The following GALNT17 variants were observed in gnomAD, a reference collection of about 807,000 sequenced individuals.
GALNT17 encodes the protein UDP-GalNAc:polypeptide N-acetylgalactosaminyltransferase-like 3.
GALNT17 carries 29 observed loss-of-function variants against 63.7 expected under a neutral mutation model. That is an observed-to-expected ratio of 0.46 (90% CI 0.34 to 0.62). The LOEUF is 0.62. GALNT17 is among the 20% of genes least tolerant of loss of function. The probability of loss-of-function intolerance (pLI) is 0.01; values close to 1 mark genes in which losing one functional copy is unlikely to be tolerated. For synonymous variants in GALNT17, 305 were observed against 318.3 expected (o/e 0.96, Z 0.45); for missense variants, 603 against 799.6 (o/e 0.75, Z 2.97).
chr7:71,344,669 G>A (rs1792059658), intron 2 of GALNT17, among the ~76,000 whole-genome samples: 1 of 152,134 alleles, frequency 6.6e-6, no homozygotes, highest in South Asian at 2.1e-4. Flanking sequence ...CGTTTATTGA[G>A]TGCCAACTGT....
At chr7:71,668,320 C>T (rs1427398856) in intron 7 of GALNT17, among the ~76,000 whole-genome samples, 2 of 151,786 alleles carry the variant, frequency 1.3e-5, no homozygotes, top group Non-Finnish European at 2.9e-5. Flanking sequence ...AGTTCGAGAC[C>T]AGCCTGACCA....
chr7:71,679,160 A>C (rs747896496), intron 9 of GALNT17, among the ~76,000 whole-genome samples: 5 of 152,054 alleles, frequency 3.3e-5, no homozygotes, highest in Non-Finnish European at 7.4e-5. Flanking sequence ...AATCTAATGC[A>C]GGTGGCTGTG....
chr7:71,254,333 T>C (rs1790252993), intron 1 of GALNT17, among the ~76,000 whole-genome samples: 2 of 152,192 alleles, frequency 1.3e-5, no homozygotes, highest in Admixed American at 1.3e-4. Flanking sequence ...AGACTCTTAC[T>C]TAATTCTCTC....
chr7:71,417,019 A>G (rs534800105), intron 4 of GALNT17, among the ~76,000 whole-genome samples: 5 of 152,214 alleles, frequency 3.3e-5, no homozygotes, highest in African/African-American at 4.8e-5. Flanking sequence ...GTTTTAAAGC[A>G]TGGTCAGATA....
rs73702233 is a variant in GALNT17 at position 71,602,821 on chromosome 7, A to C, written c.1080+31419A>C. ...ACTCAACTCCTTCACTACTTCTGCC[A>C]CTGGACTGATGGGAACACTGGAAAT... On this transcript the variant is annotated intron_variant, in intron 6 of 10. Transcript: ENST00000333538. Among the ~76,000 whole-genome samples, 1,036 of 152,298 alleles carry C rather than the reference A, an allele frequency of 6.8e-3. 7 individuals carry two copies. Among genetic ancestry groups the C allele is most frequent in the African/African-American group, 0.02 (837 of 41,556 alleles).
intron 5 of GALNT17, among the ~76,000 whole-genome samples, chr7:71,539,277 C>T (rs1169952034): frequency 1.3e-5 from 2 of 152,050 alleles, no homozygotes; most frequent in East Asian, 1.9e-4. Flanking sequence ...TCTCTCTGGG[C>T]GCTTGGCATG....
chr7:71,501,379 C>G (rs1330152143), intron 5 of GALNT17, among the ~76,000 whole-genome samples: 1 of 152,158 alleles, frequency 6.6e-6, no homozygotes, highest in Non-Finnish European at 1.5e-5. Flanking sequence ...ATCCTCCAGC[C>G]TCAGCCTCCC....
chr7:71,238,025 A>C (rs1789926840), intron 1 of GALNT17, among the ~76,000 whole-genome samples: 1 of 152,220 alleles, frequency 6.6e-6, no homozygotes, highest in South Asian at 2.1e-4. Context: ...GCTGTGCTTA[A>C]GGGCGTGGCT....
intron 6 of GALNT17, among the ~76,000 whole-genome samples, chr7:71,634,887 G>A (rs1790507389): frequency 6.6e-6 from 1 of 152,066 alleles, no homozygotes; most frequent in African/African-American, 2.4e-5. Flanking sequence ...ACAATTGGCT[G>A]AGTTTATCTG....
At chr7:71,292,036 A>G (rs1368947365) in intron 1 of GALNT17, among the ~76,000 whole-genome samples, 2 of 152,020 alleles carry the variant, frequency 1.3e-5, no homozygotes, top group African/African-American at 4.8e-5. Flanking sequence ...GGAACATGTA[A>G]CTCTGTTATG....
intron 5 of GALNT17, among the ~76,000 whole-genome samples, chr7:71,545,143 T>A (rs1317730362): frequency 6.6e-6 from 1 of 152,148 alleles, no homozygotes; most frequent in African/African-American, 2.4e-5. Flanking sequence ...TCATTGAACT[T>A]ATCTCTCGTC....
intron 8 of GALNT17, among the ~76,000 whole-genome samples, chr7:71,673,717 C>T (rs1014462717): frequency 3.9e-5 from 6 of 152,310 alleles, no homozygotes; most frequent in Admixed American, 2.0e-4. Context: ...TGGACTCAAG[C>T]TATTCTCCCA....
intron 5 of GALNT17, among the ~76,000 whole-genome samples, chr7:71,535,477 A>G (rs1209717295): frequency 1.3e-5 from 2 of 152,142 alleles, no homozygotes; most frequent in Non-Finnish European, 2.9e-5. Context: ...TTAAATATGT[A>G]CAGAAAAAAA....
Position 71,640,479 on chromosome 7 carries a change from A to G in GALNT17, c.1081-24932A>G, listed in dbSNP as rs576563822. Among the ~76,000 whole-genome samples, 7 of 152,266 alleles carry G rather than the reference A, an allele frequency of 4.6e-5. No homozygotes were observed. The East Asian group carries it at 1.2e-3, about 25-fold the overall frequency. On this transcript the variant is annotated intron_variant, in intron 6 of 10. Coordinates refer to ENST00000333538, the MANE Select transcript of GALNT17 (RefSeq NM_022479.3). ...GATGTTTCCCTAATCTCTAACTGAT[A>G]TTAGTGTTTGTTTCTTTAATGAATG...
intron 3 of GALNT17, 62 bp from the exon 4 acceptor site, chr7:71,415,827 G>T: frequency 6.7e-7 from 1 of 1,482,146 alleles, no homozygotes; most frequent in South Asian, 1.5e-5. Flanking sequence ...GCATTGCAGT[G>T]GGTTAGATGC....
intron 1 of GALNT17, among the ~76,000 whole-genome samples, chr7:71,309,456 A>AGCCAT (rs1791372744): frequency 1.3e-5 from 2 of 152,078 alleles, no homozygotes; most frequent in South Asian, 4.1e-4. Context: ...TCCTTGAGGA[A>AGCCAT]GCCATGCATG....
chr7:71,274,825 G>A (rs866160472), intron 1 of GALNT17, among the ~76,000 whole-genome samples: 1 of 152,188 alleles, frequency 6.6e-6, no homozygotes, highest in Admixed American at 6.5e-5. Context: ...GGGCAGACAG[G>A]AAAACTCAGG....
intron 6 of GALNT17, among the ~76,000 whole-genome samples, chr7:71,642,887 CT>C (rs1790623633): frequency 6.6e-6 from 1 of 152,130 alleles, no homozygotes; most frequent in South Asian, 2.1e-4. Flanking sequence ...TCAGCCAATG[CT>C]ATCCAGGTTC....
chr7:71,640,730 A>T (rs952145422), intron 6 of GALNT17, among the ~76,000 whole-genome samples: 1 of 152,012 alleles, frequency 6.6e-6, no homozygotes, highest in Non-Finnish European at 1.5e-5. Flanking sequence ...GTTTAATTTG[A>T]TGCACTTAAA....
Sources: gnomAD v4.1 joint callset for allele counts (sites outside exome capture counted in the v4.1 genomes callset) on GRCh38, gnomAD v4.1.1 for gene constraint, MANE v1.5 for transcripts, NCBI Gene and HGNC (gene_info 2026-07-23, HGNC 2026-07-21) for gene names.